Variants in TADA2A observed in about 807,000 individuals in gnomAD.
TADA2A encodes the protein transcriptional adaptor 2A, also known as transcriptional adapter 2-alpha.
TADA2A carries 38 observed loss-of-function variants against 67.4 expected under a neutral mutation model. The ratio of observed to expected loss-of-function variants is 0.56; its 90% CI spans 0.44 to 0.74. The LOEUF (loss-of-function observed/expected upper bound fraction) is 0.74, where lower values mean the gene tolerates loss of function less well. TADA2A is among the 30% of genes least tolerant of loss of function. The pLI is 0.00. For synonymous variants in TADA2A, 192 were observed against 181.6 expected, an observed-to-expected ratio of 1.06 and a Z score of -0.46; for missense variants, 454 against 547.0, an observed-to-expected ratio of 0.83 and a Z score of 1.70.
chr17:37,467,160 G>GA (rs930279767), intron 11 of TADA2A, among the ~76,000 whole-genome samples: 15 of 149,528 alleles, frequency 1.0e-4, no homozygotes, highest in South Asian at 2.1e-4. Flanking sequence ...CTCAAAAAAA[G>GA]AAAAAAAAAA....
At position 37,437,782 on chromosome 17, in the gene TADA2A, A is replaced by G; in HGVS notation, c.237A>G (p.Glu79=). 1 of 1,614,212 alleles carries G rather than the reference A, an allele frequency of 6.2e-7. No individual in the cohort carries two copies. The highest frequency in any genetic ancestry group is 8.5e-7 in the Non-Finnish European group (1 of 1,180,040). Residue 79 remains glutamate, a synonymous_variant, in exon 5 of 16, where the codon GAA becomes GAG. Coordinates refer to ENST00000615182, the MANE Select transcript of TADA2A (RefSeq NM_001166105.3). ...PVLDPSWTAQ[E]EMALLEAVMD... Reference sequence around the variant, plus strand: ...TTGATCCCAGCTGGACTGCTCAAGAAGAAATGGCCCTTTTAGAAGCTGTGA... The same window carrying G: ...TTGATCCCAGCTGGACTGCTCAAGAGGAAATGGCCCTTTTAGAAGCTGTGA...
chr17:37,458,637 T>TTGTGTGTGTGTGTG, intron 9 of TADA2A, 50 bp downstream of exon 9: 1 of 980,622 alleles, frequency 1.0e-6, no homozygotes. Context: ...GATTATTGTT[T>TTGTGTGTGTGTGTG]TGTGTGTGTG....
intron 8 of TADA2A, among the ~76,000 whole-genome samples, chr17:37,445,018 T>C (rs1222140447): frequency 6.6e-6 from 1 of 151,784 alleles, no homozygotes; most frequent in Admixed American, 6.6e-5. Context: ...GATTTTACTT[T>C]TATCTGAGGT....
intron 4 of TADA2A, among the ~76,000 whole-genome samples, chr17:37,428,754 T>A (rs564692188): frequency 6.6e-6 from 1 of 152,092 alleles, no homozygotes; most frequent in South Asian, 2.1e-4. Context: ...AATTTAAAAA[T>A]TTTTTTTGTA....
At chr17:37,429,685 T>C (rs1358142582) in intron 4 of TADA2A, among the ~76,000 whole-genome samples, 2 of 152,182 alleles carry the variant, frequency 1.3e-5, no homozygotes, top group Non-Finnish European at 2.9e-5. Flanking sequence ...GCCTGACTAT[T>C]GGTGGAGTCC....
In TADA2A at chr17:37,419,172, C is replaced by CT. The variant is rs376392960; in HGVS notation, c.26-4327dup. On this transcript the variant is annotated intron_variant, in intron 2 of 15. Transcript: ENST00000615182. ...AGAACTTACTTTTACAAAGTAATTG[C>CT]TTTTTTTTTTCTTTTTGAGAGAGGG... 2.2e-4 allele frequency among the ~76,000 whole-genome samples: 31 copies of CT among 140,198 alleles called. No homozygotes were observed. In the South Asian group the frequency reaches 3.0e-3, roughly 14 times the overall value. The allele number at this position is 140,198 out of a possible 152,430, so 92.0% of individuals were successfully genotyped here.
chr17:37,422,041 G>A (rs534835283), intron 2 of TADA2A, among the ~76,000 whole-genome samples: 2 of 141,900 alleles, frequency 1.4e-5, no homozygotes, highest in East Asian at 4.5e-4. Flanking sequence ...GCCATGCTTG[G>A]CTAATTTTTT....
intron 10 of TADA2A, among the ~76,000 whole-genome samples, chr17:37,464,433 C>T (rs1239353249): frequency 6.6e-6 from 1 of 152,128 alleles, no homozygotes; most frequent in Non-Finnish European, 1.5e-5. Flanking sequence ...CTTTGTTTTC[C>T]TGTGGGAGTT....
intron 6 of TADA2A, among the ~76,000 whole-genome samples, chr17:37,442,303 C>G (rs2052945490): frequency 1.5e-5 from 2 of 136,578 alleles, no homozygotes; most frequent in Non-Finnish European, 3.0e-5. Flanking sequence ...TATTTAGGTT[C>G]TGTAATATTA....
chr17:37,437,527 C>T (rs1388766977), intron 4 of TADA2A, among the ~76,000 whole-genome samples: 9 of 152,260 alleles, frequency 5.9e-5, no homozygotes, highest in African/African-American at 1.9e-4. Context: ...GCTGGGACTA[C>T]AGGCGTGTGC....
At chr17:37,466,060 C>T (rs1365519178) in intron 11 of TADA2A, among the ~76,000 whole-genome samples, 1 of 152,094 alleles carries the variant, frequency 6.6e-6, no homozygotes, top group African/African-American at 2.4e-5. Flanking sequence ...CGATCTCTTG[C>T]CTTTCTGTGG....
intron 8 of TADA2A, among the ~76,000 whole-genome samples, chr17:37,449,365 A>C (rs1348742465): frequency 1.2e-4 from 19 of 152,210 alleles, no homozygotes; most frequent in Admixed American, 1.2e-3. Context: ...CATGAATACT[A>C]TCAGTAATAA....
At chr17:37,432,080 G>A (rs1468079695) in intron 4 of TADA2A, among the ~76,000 whole-genome samples, 1 of 151,536 alleles carries the variant, frequency 6.6e-6, no homozygotes, top group Non-Finnish European at 1.5e-5. Flanking sequence ...GATTGGTTTT[G>A]CATATTCTAG....
intron 10 of TADA2A, among the ~76,000 whole-genome samples, chr17:37,464,147 A>C (rs908409464): frequency 1.3e-5 from 2 of 152,198 alleles, no homozygotes; most frequent in African/African-American, 4.8e-5. Flanking sequence ...CTTTGCAGAT[A>C]CATCTTTGGA....
chr17:37,470,663 A>C (rs1402362800), intron 13 of TADA2A, 131 bp downstream of exon 13: 4 of 1,023,300 alleles, frequency 3.9e-6, no homozygotes, highest in Non-Finnish European at 5.4e-6. Flanking sequence ...ATATTTTAGC[A>C]GTCCATCTCA....
At chr17:37,440,105 G>A (rs1034468885) in intron 5 of TADA2A, among the ~76,000 whole-genome samples, 6 of 151,500 alleles carry the variant, frequency 4.0e-5, no homozygotes, top group African/African-American at 1.2e-4. Context: ...GCACCACCAC[G>A]CCTGGCTAAT....
intron 11 of TADA2A, among the ~76,000 whole-genome samples, chr17:37,467,060 G>C (rs547110978): frequency 6.6e-6 from 1 of 152,108 alleles, no homozygotes; most frequent in Non-Finnish European, 1.5e-5. Flanking sequence ...AGGACGCTGA[G>C]GCAGGGGGAA....
At chr17:37,469,127 G>A (rs908024981) in intron 12 of TADA2A, among the ~76,000 whole-genome samples, 11 of 149,776 alleles carry the variant, frequency 7.3e-5, no homozygotes, top group South Asian at 6.4e-4. Context: ...GGCTGATCTC[G>A]AACTCCTGAC....
intron 12 of TADA2A, among the ~76,000 whole-genome samples, chr17:37,469,525 C>A (rs1568184291): frequency 6.6e-6 from 1 of 151,954 alleles, no homozygotes; most frequent in Non-Finnish European, 1.5e-5. Flanking sequence ...CCCAGCTACT[C>A]CGGAGGCTGA....
Sources: gnomAD v4.1 joint callset for allele counts (sites outside exome capture counted in the v4.1 genomes callset) on GRCh38, gnomAD v4.1.1 for gene constraint, MANE v1.5 for transcripts, NCBI Gene and HGNC (gene_info 2026-07-23, HGNC 2026-07-21) for gene names.